Variants in MGAT5 observed in about 807,000 individuals in gnomAD.
MGAT5 encodes alpha-1,6-mannosylglycoprotein 6-beta-N-acetylglucosaminyltransferase, also known as alpha-1,6-mannosylglycoprotein 6-beta-N-acetylglucosaminyltransferase A.
Under a neutral mutation model 94.3 loss-of-function variants are expected in MGAT5, and 30 were observed. The ratio of observed to expected loss-of-function variants is 0.32; its 90% CI spans 0.24 to 0.43. MGAT5 has a LOEUF of 0.43. Ranked by LOEUF, MGAT5 falls within the 20% of genes least tolerant of loss-of-function variation. MGAT5 has a pLI of 1.00. For missense variants in MGAT5, 691 were observed against 905.5 expected (o/e 0.76, Z 3.04); for synonymous variants, 310 against 322.9 (o/e 0.96, Z 0.43).
chr2:134,139,016 C>T (rs1366099563), intron 1 of MGAT5, among the ~76,000 whole-genome samples: 1 of 152,160 alleles, frequency 6.6e-6, no homozygotes, highest in Non-Finnish European at 1.5e-5. Flanking sequence ...ATTGGTAAGG[C>T]ACAGATGGAA....
At chr2:134,221,878 G>GTCCTCAGTCCCCCAC (rs1365364282) in intron 1 of MGAT5, among the ~76,000 whole-genome samples, 3 of 152,092 alleles carry the variant, frequency 2.0e-5, no homozygotes, top group Non-Finnish European at 4.4e-5. Flanking sequence ...TCAGAGCTTA[G>GTCCTCAGTCCCCCAC]TCCTCAGTCC....
intron 7 of MGAT5, among the ~76,000 whole-genome samples, chr2:134,343,261 G>A (rs1339554577): frequency 6.6e-6 from 1 of 152,160 alleles, no homozygotes; most frequent in Non-Finnish European, 1.5e-5. Flanking sequence ...TAGGTTCTTG[G>A]AAACTAGGAC....
At chr2:134,379,849 G>A (rs564746630) in intron 10 of MGAT5, among the ~76,000 whole-genome samples, 5 of 152,346 alleles carry the variant, frequency 3.3e-5, no homozygotes, top group African/African-American at 9.6e-5. Flanking sequence ...GACAAATCAA[G>A]TGGTTTGCAT....
chr2:134,408,555 T>A (rs1478647229), intron 11 of MGAT5, among the ~76,000 whole-genome samples: 3 of 152,192 alleles, frequency 2.0e-5, no homozygotes, highest in African/African-American at 4.8e-5. Flanking sequence ...CATGTAAACA[T>A]GCTTGGTGAG....
rs149784950 is a variant in MGAT5 at position 134,316,391 on chromosome 2, T to G, written c.407-1138T>G. Among the ~76,000 whole-genome samples, 4 of 152,252 alleles carry G rather than the reference T, an allele frequency of 2.6e-5. No individual in the cohort carries two copies. The East Asian group carries it at 7.7e-4, about 29-fold the overall frequency. ...CCCTTTGGCTGGCTCACTCCTACTT[T>G]GTCTTCACATCTTGGCTAAGATGTC... On this transcript the variant is annotated intron_variant, in intron 2 of 15. Coordinates refer to ENST00000281923, the MANE Select transcript of MGAT5 (RefSeq NM_002410.5).
upstream of MGAT5, chr2:134,120,133 C>T (rs1685491946): frequency 6.5e-6 from 1 of 153,712 alleles, no homozygotes; most frequent in South Asian, 1.9e-4. Flanking sequence ...CCGCGGCCCG[C>T]TCGGCGGCGG....
At chr2:134,354,899 T>G (rs1161282419) in intron 9 of MGAT5, among the ~76,000 whole-genome samples, 1 of 152,182 alleles carries the variant, frequency 6.6e-6, no homozygotes, top group Non-Finnish European at 1.5e-5. Flanking sequence ...CACTAAGGCT[T>G]TCCAACCACA....
chr2:134,307,785 C>A (rs910565622), intron 2 of MGAT5, among the ~76,000 whole-genome samples: 1 of 152,134 alleles, frequency 6.6e-6, no homozygotes, highest in Non-Finnish European at 1.5e-5. Flanking sequence ...ACATAAAATC[C>A]ATTTTCCATC....
At chr2:134,157,079 G>A (rs1423581595) in intron 1 of MGAT5, among the ~76,000 whole-genome samples, 1 of 152,190 alleles carries the variant, frequency 6.6e-6, no homozygotes, top group Non-Finnish European at 1.5e-5. Flanking sequence ...ATATAAGCAA[G>A]TGATTGATTC....
chr2:134,170,717 C>T (rs934606940), intron 1 of MGAT5, among the ~76,000 whole-genome samples: 22 of 152,110 alleles, frequency 1.4e-4, no homozygotes, highest in African/African-American at 5.1e-4. Flanking sequence ...ATTTTCTGCT[C>T]ATACAGTCCA....
intron 2 of MGAT5, among the ~76,000 whole-genome samples, chr2:134,288,094 G>A (rs1242449126): frequency 6.6e-6 from 1 of 152,146 alleles, no homozygotes; most frequent in Non-Finnish European, 1.5e-5. Flanking sequence ...TCTTGCTGGT[G>A]TCTGGAAGCA....
intron 10 of MGAT5, among the ~76,000 whole-genome samples, chr2:134,366,766 G>C (rs1172718946): frequency 2.0e-5 from 3 of 152,230 alleles, no homozygotes; most frequent in Non-Finnish European, 2.9e-5. Flanking sequence ...AGCATGCTTT[G>C]AGCAGCAAGG....
chr2:134,403,103 G>A lies in MGAT5; in HGVS notation c.1496G>A (p.Gly499Glu). 1 of 1,609,758 alleles carries A rather than the reference G, an allele frequency of 6.2e-7. No homozygotes were observed. The highest frequency in any genetic ancestry group is 8.5e-7 in the Non-Finnish European group (1 of 1,179,222). Residue 499 changes from glycine (G) to glutamate (E), a missense_variant, in exon 11 of 16, where the codon GGA (glycine) becomes GAA (glutamate). By Grantham distance (98) the Gly-to-Glu change is moderately conservative. Coordinates refer to ENST00000281923, the MANE Select transcript of MGAT5 (RefSeq NM_002410.5). Reference sequence around the variant, plus strand: ...GTGAAAAACCATGGTATCCTCAGTGGACGGGACCTGCAGTTCCTTCTTCGA... The same window carrying A: ...GTGAAAAACCATGGTATCCTCAGTGAACGGGACCTGCAGTTCCTTCTTCGA... The part of the protein sequence containing the change: ...SYVKNHGILS[G>E]RDLQFLLRET...
At chr2:134,121,003 A>C (rs1033474025) in intron 1 of MGAT5, among the ~76,000 whole-genome samples, 1 of 151,848 alleles carries the variant, frequency 6.6e-6, no homozygotes, top group Admixed American at 6.6e-5. Context: ...ACACTCCCCG[A>C]GAGCATGCTC....
chr2:134,144,683 A>C, intron 1 of MGAT5, among the ~76,000 whole-genome samples: 1 of 152,212 alleles, frequency 6.6e-6, no homozygotes, highest in East Asian at 1.9e-4. Context: ...AACTGTACTC[A>C]TATTTATAAG....
At chr2:134,285,742 T>C (rs1297569053) in intron 2 of MGAT5, among the ~76,000 whole-genome samples, 1 of 152,176 alleles carries the variant, frequency 6.6e-6, no homozygotes, top group African/African-American at 2.4e-5. Flanking sequence ...TTTTTTCTTA[T>C]CTTGCATTTT....
chr2:134,443,852 C>A (rs1183974414), intron 15 of MGAT5, among the ~76,000 whole-genome samples: 1 of 152,206 alleles, frequency 6.6e-6, no homozygotes, highest in Non-Finnish European at 1.5e-5. Context: ...TCTGCATAAG[C>A]CCACTTCTGG....
rs1688635258 is a variant in MGAT5, at chr2:134,341,590, G to A, written c.808G>A (p.Val270Ile). 2 of 1,611,752 alleles carry A rather than the reference G, an allele frequency of 1.2e-6. No homozygotes were observed. The highest frequency in any genetic ancestry group is 1.7e-6 in the Non-Finnish European group (2 of 1,178,974). The change falls in exon 7 of 16, where the codon GTC (valine) becomes ATC (isoleucine). Residue 270 changes from valine (V) to isoleucine (I), a missense_variant and splice_region_variant. Val to Ile is a conservative substitution (Grantham distance 29, BLOSUM62 3). Transcript: ENST00000281923. ...CAGTATATGCCTCTTTGTTTTCCAG[G>A]TCCTCGTTCACCTGGGACTCCTGAC... ...QNLEKRKRKK[V>I]LVHLGLLTKE...
chr2:134,377,319 G>T (rs896986104), intron 10 of MGAT5, among the ~76,000 whole-genome samples: 1 of 152,164 alleles, frequency 6.6e-6, no homozygotes, highest in African/African-American at 2.4e-5. Context: ...AGGCCTCATA[G>T]CTGTGGTCTA....
Sources: gnomAD v4.1 joint callset for allele counts (sites outside exome capture counted in the v4.1 genomes callset) on GRCh38, gnomAD v4.1.1 for gene constraint, MANE v1.5 for transcripts, NCBI Gene and HGNC (gene_info 2026-07-23, HGNC 2026-07-21) for gene names.